Variants in KAT2A observed in about 807,000 individuals in gnomAD.
The protein encoded by KAT2A is lysine acetyltransferase 2A, also known as histone acetyltransferase KAT2A.
A neutral mutation model predicts 95.2 loss-of-function variants in KAT2A; 42 were observed. The observed-to-expected ratio is 0.44, with a 90% CI of 0.34 to 0.57. The LOEUF (loss-of-function observed/expected upper bound fraction) is 0.57, where lower values mean the gene tolerates loss of function less well. KAT2A is among the 20% of genes least tolerant of loss of function. KAT2A has a pLI of 0.01. For synonymous variants in KAT2A, 449 were observed against 448.2 expected (o/e 1.00, Z -0.02); for missense variants, 784 against 1,126.3 (o/e 0.70, Z 4.35).
chr17:42,113,705 C>T lies in KAT2A; in HGVS notation c.2458G>A (p.Ala820Thr), dbSNP rs781868657. The stretch of plus-strand genomic sequence containing the variant: ...TTGAAGTAGAAGAACTTCTCCAGGG[C>T]GCTGGCACAGCGGCAGTACTCGCTG... ...PDSEYCRCAS[A>T]LEKFFYFKLK... Residue 820 changes from alanine (A) to threonine (T), a missense_variant, in exon 18 of 18, where the codon GCC becomes ACC. Coordinates refer to ENST00000225916, the MANE Select transcript of KAT2A (RefSeq NM_021078.3). 26 of 1,611,406 alleles carry T rather than the reference C, an allele frequency of 1.6e-5. No homozygotes were observed. The highest frequency in any genetic ancestry group is 1.5e-4 in the African/African-American group (11 of 74,722).
rs782484450 is a variant in KAT2A, at chr17:42,119,993, A to G, written c.699+37T>C. 3.2e-6 allele frequency: 5 copies of G among 1,555,380 alleles called. No individual in the cohort carries two copies. The highest frequency in any genetic ancestry group is 1.4e-5 in the African/African-American group (1 of 73,734). On this transcript the variant is annotated intron_variant, in intron 4 of 17. Coordinates refer to ENST00000225916, the MANE Select transcript of KAT2A (RefSeq NM_021078.3). The surrounding 1 kb of genome is among the most constrained non-coding windows in gnomAD (Gnocchi z 5.3). The stretch of plus-strand genomic sequence containing the variant: ...TCCCCACTCCTCCAAGCTGTCCCCA[A>G]TTCTCCTATCCGCTATCTCCAATTC...
rs2054272480 is a variant in KAT2A at position 42,117,259 on chromosome 17, G to GT, written c.1638-99dup. 4.5e-6 allele frequency: 7 copies of GT among 1,565,806 alleles called. No individual in the cohort carries two copies. The highest frequency in any genetic ancestry group is 3.4e-4 in the Middle Eastern group (2 of 5,948). ...TGTAGTCAGGGTTGGGCAGTGAGAA[G>GT]TAAGAATGCTCAAAGGATGAACCTC... On this transcript the variant is annotated intron_variant, in intron 10 of 17. Transcript: ENST00000225916. This position sits in a 1 kb window ranked among gnomAD's most constrained non-coding sequence, Gnocchi z 8.9.
At chr17:42,120,395 GA>G (rs1555667059) in intron 2 of KAT2A, 25 bp from the exon 3 acceptor site, 1 of 1,612,948 alleles carries the variant, frequency 6.2e-7, no homozygotes, top group Non-Finnish European at 8.5e-7. Context: ...GCAGAGTTAG[GA>G]AAAATTGATA....
At chr17:42,118,062 GAGAGAGAGAGAGA>G (rs1452460882) in intron 7 of KAT2A, 45 bp from the exon 8 acceptor site, 4 of 1,244,350 alleles carry the variant, frequency 3.2e-6, no homozygotes, top group Non-Finnish European at 4.5e-6. Flanking sequence ...TGAAGCTGAG[GAGAGAGAGAGAGA>G]AGTCAGGGAC....
chr17:42,118,270 C>A (rs782057661), intron 7 of KAT2A, 27 bp downstream of exon 7: 4 of 1,524,094 alleles, frequency 2.6e-6, no homozygotes, highest in Middle Eastern at 1.7e-4. Flanking sequence ...AGGCCAGACA[C>A]CCTACAGAGC....
chr17:42,117,371 C>T lies in KAT2A; in HGVS notation c.1637+17G>A. On this transcript the variant is annotated intron_variant, in intron 10 of 17. Transcript: ENST00000225916. This position sits in a 1 kb window ranked among gnomAD's most constrained non-coding sequence, Gnocchi z 8.9. ...TGGGTGTGCTGCCCTGGGGGAGGGG[C>T]TCTCTGGGGGACGCACGGGTCAAAG... The T allele has an allele frequency of 1.2e-6, 2 of 1,611,934 alleles. No individual in the cohort carries two copies. The highest frequency in any genetic ancestry group is 1.3e-5 in the African/African-American group (1 of 74,992).
Position 42,118,400 on chromosome 17 carries a change from G to A in KAT2A, c.1077C>T (p.Phe359=), listed in dbSNP as rs2054292725. The A allele has an allele frequency of 2.5e-6, 4 of 1,603,176 alleles. No individual in the cohort carries two copies. Among genetic ancestry groups the A allele is most frequent in the Non-Finnish European group, 3.4e-6 (4 of 1,170,034 alleles). ...AGATCTCCTCCTCCAGCATGGACAG[G>A]AATCTGTAGGGAGGACACAGTCTGT... ...RTLILTHFPK[F]LSMLEEEIYG... Residue 359 remains phenylalanine, a synonymous_variant, in exon 7 of 18, where the codon TTC becomes TTT. Transcript: ENST00000225916.
rs557607657 is a variant in KAT2A at position 42,113,513 on chromosome 17, AG to A, written c.*135del. ...TGCCTGAAGGTCCAGAAAGAGCTGC[AG>A]GATCGGGTCCGGAGGACCCTTGGCT... On this transcript the variant is annotated 3_prime_UTR_variant, in exon 18 of 18. Transcript: ENST00000225916. The A allele has an allele frequency of 9.2e-5, 68 of 740,870 alleles. No homozygotes were observed. In the East Asian group the frequency reaches 1.9e-3, roughly 20 times the overall value. The allele number at this position is 740,870 out of a possible 1,614,324, so 45.9% of individuals were successfully genotyped here. A position where few individuals can be genotyped will look rare whatever the true frequency, so the allele number is the denominator to read the frequency against.
In KAT2A at chr17:42,117,081, A is replaced by T; in HGVS notation, c.1718T>A (p.Phe573Tyr). 1.2e-6 allele frequency: 2 copies of T among 1,614,166 alleles called. No individual in the cohort carries two copies. The highest frequency in any genetic ancestry group is 1.7e-6 in the Non-Finnish European group (2 of 1,180,038). Residue 573 changes from phenylalanine (F) to tyrosine (Y), a missense_variant, in exon 11 of 18, where the codon TTC (phenylalanine) becomes TAC (tyrosine). Coordinates refer to ENST00000225916, the MANE Select transcript of KAT2A (RefSeq NM_021078.3). The surrounding 1 kb of genome is among the most constrained non-coding windows in gnomAD (Gnocchi z 8.9). The stretch of plus-strand genomic sequence containing the variant: ...GACAGCACAGAAGACAATCTCCGTG[A>T]AGCCCTGGGTGGGAAACATGCGGAA... ...ICFRMFPTQGFTEIVFCAVTS... is the reference protein window; with the variant it reads ...ICFRMFPTQGYTEIVFCAVTS...
At position 42,113,759 on chromosome 17, in the gene KAT2A, C is replaced by T. The variant is rs141504266; in HGVS notation, c.2404G>A (p.Ala802Thr). Residue 802 changes from alanine to threonine, a missense_variant, in exon 18 of 18, where the codon GCC becomes ACC. Transcript: ENST00000225916. ...GGGGGGTTGTACTCGCGACAGTTGG[C>T]GATGACCCGCTGCAGGTCGGCCACA... ...LFVADLQRVIANCREYNPPDS... is the reference protein window; with the variant it reads ...LFVADLQRVITNCREYNPPDS... 3.2e-5 allele frequency: 51 copies of T among 1,609,652 alleles called. No individual in the cohort carries two copies. Among genetic ancestry groups the T allele is most frequent in the Middle Eastern group, 1.7e-4 (1 of 6,048 alleles).
chr17:42,114,177 C>CCAAA lies in KAT2A; in HGVS notation c.2235+41_2235+42insTTTG. ...CCACACTGCATCAAGAGGCCACAGC[C>CCAAA]ATTGGTGCAGGGGCCCTGGAAAGGA... On this transcript the variant is annotated intron_variant, in intron 16 of 17. Coordinates refer to ENST00000225916, the MANE Select transcript of KAT2A (RefSeq NM_021078.3). This position sits in a 1 kb window ranked among gnomAD's most constrained non-coding sequence, Gnocchi z 6.0. 1 of 1,578,130 alleles carries CCAAA rather than the reference C, an allele frequency of 6.3e-7. No homozygotes were observed. The highest frequency in any genetic ancestry group is 8.6e-7 in the Non-Finnish European group (1 of 1,161,470).
rs147626347 is a variant in KAT2A, at chr17:42,117,393, A to G, written c.1632T>C (p.Phe544=). The G allele has an allele frequency of 8.0e-4, 1,294 of 1,613,584 alleles. No individual in the cohort carries two copies. Among genetic ancestry groups the G allele is most frequent in the Non-Finnish European group, 8.9e-4 (1,055 of 1,179,860 alleles). Residue 544 remains phenylalanine, a synonymous_variant, in exon 10 of 18, where the codon TTT becomes TTC. Transcript: ENST00000225916. The surrounding 1 kb of genome is among the most constrained non-coding windows in gnomAD (Gnocchi z 8.9). ...MPKEYIARLV[F]DPKHKTLALI... is the part of the protein sequence containing the mutation. Reference sequence around the variant, plus strand: ...GGGCTCTCTGGGGGACGCACGGGTCAAAGACGAGGCGGGCGATATACTCCT... The same window carrying G: ...GGGCTCTCTGGGGGACGCACGGGTCGAAGACGAGGCGGGCGATATACTCCT...
chr17:42,120,139 G>C lies in KAT2A; in HGVS notation c.610-20C>G. The C allele has an allele frequency of 6.2e-7, 1 of 1,613,792 alleles. No individual in the cohort carries two copies. Among genetic ancestry groups the C allele is most frequent in the Non-Finnish European group, 8.5e-7 (1 of 1,179,652 alleles). On this transcript the variant is annotated intron_variant, in intron 3 of 17. Transcript: ENST00000225916. ...CAGTAGCTAGAGAGAAGAGGAAGGG[G>C]GCATAGAGGGGAGGGGGGCAGAGCT...
At position 42,117,639 on chromosome 17, in the gene KAT2A, T is replaced by TG. The variant is rs782725616; in HGVS notation, c.1428+38dup. On this transcript the variant is annotated intron_variant, in intron 9 of 17. Coordinates refer to ENST00000225916, the MANE Select transcript of KAT2A (RefSeq NM_021078.3). This position sits in a 1 kb window ranked among gnomAD's most constrained non-coding sequence, Gnocchi z 8.9. Reference sequence around the variant, plus strand: ...GTGGTGAGCCGGGGTCTCAGGTTGGTGGGGGTCCCCCAACTGGTCAGCAGG... The same window carrying TG: ...GTGGTGAGCCGGGGTCTCAGGTTGGTGGGGGGTCCCCCAACTGGTCAGCAGG... 1 of 1,606,012 alleles carries TG rather than the reference T, an allele frequency of 6.2e-7. No homozygotes were observed. The highest frequency in any genetic ancestry group is 8.5e-7 in the Non-Finnish European group (1 of 1,174,912).
At chr17:42,115,103 G>T in intron 12 of KAT2A, 68 bp from the exon 13 acceptor site, 3 of 1,538,346 alleles carry the variant, frequency 2.0e-6, no homozygotes, top group Non-Finnish European at 2.7e-6. Context: ...TCCCTCACCT[G>T]GGAGCACCAG....
chr17:42,120,139 G>A lies in KAT2A; in HGVS notation c.610-20C>T, dbSNP rs1555666991. The A allele has an allele frequency of 1.9e-6, 3 of 1,613,792 alleles. No homozygotes were observed. Among genetic ancestry groups the A allele is most frequent in the Admixed American group, 1.7e-5 (1 of 60,030 alleles). Reference sequence around the variant, plus strand: ...CAGTAGCTAGAGAGAAGAGGAAGGGGGCATAGAGGGGAGGGGGGCAGAGCT... The same window carrying A: ...CAGTAGCTAGAGAGAAGAGGAAGGGAGCATAGAGGGGAGGGGGGCAGAGCT... On this transcript the variant is annotated intron_variant, in intron 3 of 17. Coordinates refer to ENST00000225916, the MANE Select transcript of KAT2A (RefSeq NM_021078.3).
rs2054275383 is a variant in KAT2A, at chr17:42,117,477, C to T, written c.1548G>A (p.Val516=). The T allele has an allele frequency of 6.2e-7, 1 of 1,613,618 alleles. No individual in the cohort carries two copies. Among genetic ancestry groups the T allele is most frequent in the Non-Finnish European group, 8.5e-7 (1 of 1,180,042 alleles). ...TCTGCAGCCCCACGAGCCACAGCAACACCCGCCGGTTGGCCTTGGGCGTCA... is the reference window on the plus strand; with the variant it reads ...TCTGCAGCCCCACGAGCCACAGCAATACCCGCCGGTTGGCCTTGGGCGTCA... ...NSLTPKANRR[V]LLWLVGLQNV... Residue 516 remains valine (V), a synonymous_variant, in exon 10 of 18, where the codon GTG becomes GTA. Coordinates refer to ENST00000225916, the MANE Select transcript of KAT2A (RefSeq NM_021078.3). This position sits in a 1 kb window ranked among gnomAD's most constrained non-coding sequence, Gnocchi z 8.9.
Position 42,116,944 on chromosome 17 carries a change from C to G in KAT2A, c.1764+91G>C. On this transcript the variant is annotated intron_variant, in intron 11 of 17. Transcript: ENST00000225916. ...CGCTAACTAAGAGAAGAGCAACGGG[C>G]TGCTGCATGCCACACATCCTGCTGC... 3 of 1,476,914 alleles carry G rather than the reference C, an allele frequency of 2.0e-6. No individual in the cohort carries two copies. In the East Asian group the frequency reaches 6.9e-5, roughly 34 times the overall value. The allele number at this position is 1,476,914 out of a possible 1,614,324, so 91.5% of individuals were successfully genotyped here. A position where few individuals can be genotyped will look rare whatever the true frequency, so the allele number is the denominator to read the frequency against.
In KAT2A at chr17:42,121,103, C is replaced by CCA; in HGVS notation, c.201_202insTG (p.Gly68TrpfsTer15). ...GGATCCCCCCCGCTCCCGGCCCCCC[C>CCA]ACTTCCTACCCCGGGCCCCCCAGTC... On this transcript the variant is annotated frameshift_variant, in exon 1 of 18. Transcript: ENST00000225916. LOFTEE classifies it high-confidence loss of function. 6 of 1,532,334 alleles carry CCA rather than the reference C, an allele frequency of 3.9e-6. No individual in the cohort carries two copies. Among genetic ancestry groups the CCA allele is most frequent in the Non-Finnish European group, 5.3e-6 (6 of 1,140,622 alleles). 94.9% of individuals were successfully genotyped at this position (1,532,334 alleles called of 1,614,324 possible). A position where few individuals can be genotyped will look rare whatever the true frequency, so the allele number is the denominator to read the frequency against.
Sources: allele counts gnomAD v4.1 joint callset, GRCh38; gene constraint gnomAD v4.1.1; non-coding constraint Gnocchi (gnomAD v3.1); transcripts MANE v1.5; gene names NCBI Gene and HGNC (gene_info 2026-07-23, HGNC 2026-07-21).